The following VPS39 variants were observed in gnomAD, a reference collection of about 807,000 sequenced individuals.
The protein encoded by VPS39 is vam6/Vps39-like protein.
Under a neutral mutation model 121.0 loss-of-function variants are expected in VPS39, and 70 were observed. That is an observed-to-expected ratio of 0.58 (90% CI 0.48 to 0.71). The LOEUF is 0.71. Among genes scored for constraint, VPS39 ranks in the 30% least tolerant of loss-of-function variants. VPS39 has a pLI of 0.00. For missense variants in VPS39, 818 were observed against 1,051.5 expected (o/e 0.78, Z 3.07); for synonymous variants, 378 against 398.1 (o/e 0.95, Z 0.60).
At chr15:42,171,152 A>G (rs1055431957) in intron 11 of VPS39, among the ~76,000 whole-genome samples, 4 of 152,208 alleles carry the variant, frequency 2.6e-5, no homozygotes, top group Non-Finnish European at 5.9e-5. Context: ...TGTATGGTCA[A>G]TTGGCACTTC....
At position 42,191,437 on chromosome 15, in the gene VPS39, A is replaced by G. The variant is rs113678775; in HGVS notation, c.204+59T>C. On this transcript the variant is annotated intron_variant, in intron 3 of 24. Coordinates refer to ENST00000318006, the MANE Select transcript of VPS39 (RefSeq NM_015289.5). The stretch of plus-strand genomic sequence containing the variant: ...TAATAAATAACATTACCAAAGTTCT[A>G]GTCTGACAGGGTCTCATGTAAGTCA... 5.3e-6 allele frequency: 8 copies of G among 1,513,270 alleles called. No individual in the cohort carries two copies. The African/African-American group carries it at 5.5e-5, about 10-fold the overall frequency. The allele number at this position is 1,513,270 out of a possible 1,614,324, so 93.7% of individuals were successfully genotyped here. A position where few individuals can be genotyped will look rare whatever the true frequency, so the allele number is the denominator to read the frequency against.
intron 8 of VPS39, among the ~76,000 whole-genome samples, chr15:42,183,218 T>C (rs2049623698): frequency 6.6e-6 from 1 of 150,672 alleles, no homozygotes; most frequent in African/African-American, 2.5e-5. Flanking sequence ...CTGCCTCAAC[T>C]TCCCAAGTAG....
In VPS39 at chr15:42,187,274, T is replaced by C; in HGVS notation, c.531A>G (p.Ile177Met). ...TTGCAAAATAATAAGATTTTACCCT[T>C]ATTAGGTAGTAGTCTCTCTTGAAAC... The part of the protein sequence containing the change: ...CVGFKRDYYL[I>M]RVDGKGSIKE... Residue 177 changes from isoleucine (I) to methionine (M), a missense_variant, in exon 7 of 25, where the codon ATA becomes ATG. Transcript: ENST00000318006. The C allele has an allele frequency of 1.2e-6, 2 of 1,604,014 alleles. No homozygotes were observed. The highest frequency in any genetic ancestry group is 1.7e-6 in the Non-Finnish European group (2 of 1,176,956).
intron 2 of VPS39, among the ~76,000 whole-genome samples, chr15:42,194,915 C>G (rs538451380): frequency 4.0e-5 from 6 of 148,912 alleles, no homozygotes; most frequent in African/African-American, 1.5e-4. Flanking sequence ...TTTGCACCAT[C>G]ATTGTAAATG....
At chr15:42,194,660 G>C (rs2049897915) in intron 2 of VPS39, among the ~76,000 whole-genome samples, 1 of 151,906 alleles carries the variant, frequency 6.6e-6, no homozygotes. Context: ...CTGAGCCTAG[G>C]AGTTATAGGT....
At chr15:42,178,128 A>G in intron 10 of VPS39, 90 bp downstream of exon 10, 1 of 1,573,528 alleles carries the variant, frequency 6.4e-7, no homozygotes, top group Non-Finnish European at 8.6e-7. Flanking sequence ...TGCTTATTCT[A>G]CTAACCCAAA....
chr15:42,175,268 C>T (rs1334022393), intron 10 of VPS39, among the ~76,000 whole-genome samples: 1 of 151,806 alleles, frequency 6.6e-6, no homozygotes, highest in Non-Finnish European at 1.5e-5. Context: ...ATTAGCTGGG[C>T]GTGGTGGCGC....
At chr15:42,197,506 T>C (rs1302020318) in intron 2 of VPS39, among the ~76,000 whole-genome samples, 4 of 151,962 alleles carry the variant, frequency 2.6e-5, no homozygotes, top group Non-Finnish European at 5.9e-5. Flanking sequence ...TGAGCCAAGA[T>C]AGCGCCACTA....
At chr15:42,165,896 G>A (rs1398781060) in intron 16 of VPS39, 80 bp from the exon 17 acceptor site, 40 of 1,373,376 alleles carry the variant, frequency 2.9e-5, no homozygotes, top group Non-Finnish European at 4.0e-5. Context: ...TGAGCGCAGG[G>A]ATCAAACAGA....
chr15:42,183,054 C>G (rs1376796370), intron 8 of VPS39, among the ~76,000 whole-genome samples: 1 of 151,860 alleles, frequency 6.6e-6, no homozygotes, highest in Non-Finnish European at 1.5e-5. Flanking sequence ...TTCTAGTCTA[C>G]TTATCTCTAA....
chr15:42,190,238 G>A (rs1211074971), intron 4 of VPS39, among the ~76,000 whole-genome samples: 7 of 152,158 alleles, frequency 4.6e-5, no homozygotes, highest in African/African-American at 7.2e-5. Context: ...AATCCCCTGT[G>A]CATTTTGTAC....
chr15:42,177,277 A>G (rs561087766), intron 10 of VPS39, among the ~76,000 whole-genome samples: 1 of 152,254 alleles, frequency 6.6e-6, no homozygotes, highest in African/African-American at 2.4e-5. Context: ...GTTTCCTAAA[A>G]GCAAATCCAC....
Position 42,184,610 on chromosome 15 carries a change from C to T in VPS39, c.625G>A (p.Val209Met), listed in dbSNP as rs747609027. The T allele has an allele frequency of 1.1e-5, 18 of 1,614,200 alleles. No individual in the cohort carries two copies. The highest frequency in any genetic ancestry group is 1.5e-5 in the Non-Finnish European group (18 of 1,180,020). ...VAPLADGKVAVGQDDLTVVLN... is the reference protein window; with the variant it reads ...VAPLADGKVAMGQDDLTVVLN... ...ACCACGGTGAGATCATCCTGGCCCACAGCCACTTTTCCATCTGCCAGAGGT... is the reference window on the plus strand; with the variant it reads ...ACCACGGTGAGATCATCCTGGCCCATAGCCACTTTTCCATCTGCCAGAGGT... The change falls in exon 8 of 25, where the codon GTG (valine) becomes ATG (methionine). Residue 209 changes from valine to methionine, a missense_variant. Physicochemically the swap from Val to Met is conservative, Grantham distance 21. Coordinates refer to ENST00000318006, the MANE Select transcript of VPS39 (RefSeq NM_015289.5).
Position 42,163,661 on chromosome 15 carries a change from A to G in VPS39, c.2094T>C (p.Tyr698=), listed in dbSNP as rs772161519. 1.1e-5 allele frequency: 17 copies of G among 1,614,004 alleles called. No homozygotes were observed. The Admixed American group carries it at 2.7e-4, about 25-fold the overall frequency. ...TCCTTGTATCCTTCAAGATGTGGAC[A>G]TAAATGAAAAGAGCTTGTTCATGTT... ...MGKHEQALFI[Y]VHILKDTRMA... is the part of the protein sequence containing the mutation. The change falls in exon 20 of 25, where the codon TAT becomes TAC. Residue 698 remains tyrosine (Y), a synonymous_variant. Coordinates refer to ENST00000318006, the MANE Select transcript of VPS39 (RefSeq NM_015289.5).
intron 16 of VPS39, among the ~76,000 whole-genome samples, 165 bp downstream of exon 16, chr15:42,165,994 C>G (rs902693481): frequency 1.3e-5 from 2 of 152,212 alleles, no homozygotes; most frequent in African/African-American, 4.8e-5. Context: ...GTGTAAGGCT[C>G]TCTCTACCAA....
intron 4 of VPS39, among the ~76,000 whole-genome samples, chr15:42,189,634 CAGG>C (rs1395839033): frequency 1.4e-5 from 2 of 147,478 alleles, no homozygotes; most frequent in African/African-American, 5.0e-5. Context: ...GGGGTTGAAG[CAGG>C]AGAATCCCTT....
intron 1 of VPS39, among the ~76,000 whole-genome samples, chr15:42,204,524 G>A (rs1442009326): frequency 3.9e-5 from 6 of 152,062 alleles, no homozygotes; most frequent in Admixed American, 3.9e-4. Flanking sequence ...GTGGTGGGTG[G>A]CAGTAATCCT....
At chr15:42,163,112 A>G (rs1057311474) in intron 21 of VPS39, among the ~76,000 whole-genome samples, 6 of 152,194 alleles carry the variant, frequency 3.9e-5, no homozygotes, top group Non-Finnish European at 8.8e-5. Context: ...ACACAAATCA[A>G]GAGAGTAAAG....
In VPS39 at chr15:42,166,727, C is replaced by T. The variant is rs367595031; in HGVS notation, c.1519+45G>A. Reference sequence around the variant, plus strand: ...TCCATATCTCAGTGGGTTTCCCCTGCCATGTACAAGAGCCCCTCCCAGATC... The same window carrying T: ...TCCATATCTCAGTGGGTTTCCCCTGTCATGTACAAGAGCCCCTCCCAGATC... On this transcript the variant is annotated intron_variant, in intron 14 of 24. Coordinates refer to ENST00000318006, the MANE Select transcript of VPS39 (RefSeq NM_015289.5). 6 of 1,613,660 alleles carry T rather than the reference C, an allele frequency of 3.7e-6. No homozygotes were observed. The African/African-American group carries it at 6.7e-5, about 18-fold the overall frequency.
Sources: allele counts gnomAD v4.1 joint callset (sites outside exome capture counted in the v4.1 genomes callset), GRCh38; gene constraint gnomAD v4.1.1; transcripts MANE v1.5; gene names NCBI Gene and HGNC (gene_info 2026-07-23, HGNC 2026-07-21).